The following C10orf143 variants were observed in gnomAD, a reference collection of about 807,000 sequenced individuals.
C10orf143 encodes chromosome 10 open reading frame 143, also known as uncharacterized protein C10orf143.
intron 1 of C10orf143, among the ~76,000 whole-genome samples, chr10:130,090,822 C>G (rs1410932972): frequency 2.6e-5 from 4 of 152,166 alleles, no homozygotes; most frequent in Non-Finnish European, 5.9e-5. Flanking sequence ...CTGGGTGGAG[C>G]CCACCACAGT....
At chr10:130,075,656 C>T (rs553011222) in intron 3 of C10orf143, among the ~76,000 whole-genome samples, 1 of 152,288 alleles carries the variant, frequency 6.6e-6, no homozygotes, top group African/African-American at 2.4e-5. Flanking sequence ...GAATTATACT[C>T]CACACATGTT....
intron 1 of C10orf143, among the ~76,000 whole-genome samples, chr10:130,084,124 T>C (rs1861251725): frequency 6.6e-6 from 1 of 151,806 alleles, no homozygotes. Context: ...GCCTGGCCAA[T>C]ATGGTAAAAC....
At chr10:130,045,562 AGCT>A (rs1311618507) in intron 3 of C10orf143, among the ~76,000 whole-genome samples, 2 of 152,242 alleles carry the variant, frequency 1.3e-5, no homozygotes, top group African/African-American at 4.8e-5. Context: ...CGCCCCTGGG[AGCT>A]GCCTCCAGAC....
At chr10:130,058,971 A>G (rs1028801126), downstream of C10orf143, among the ~76,000 whole-genome samples, 3 of 152,244 alleles carry the variant, frequency 2.0e-5, no homozygotes, top group African/African-American at 7.2e-5. Flanking sequence ...TGGCCAATGC[A>G]TGAGAAAGAT....
At chr10:130,075,891 CCTGTGGAA>C (rs1358504034) in intron 3 of C10orf143, among the ~76,000 whole-genome samples, 1 of 152,104 alleles carries the variant, frequency 6.6e-6, no homozygotes, top group Non-Finnish European at 1.5e-5. Context: ...TCCTGTACAG[CCTGTGGAA>C]CTGTGAGTCA....
At chr10:130,080,905 A>T (rs1861196788) in intron 1 of C10orf143, among the ~76,000 whole-genome samples, 1 of 152,242 alleles carries the variant, frequency 6.6e-6, no homozygotes, top group African/African-American at 2.4e-5. Context: ...ATTACTGTAT[A>T]GTTCATTATC....
intron 1 of C10orf143, chr10:130,107,874 A>C (rs1861685442): frequency 7.9e-7 from 1 of 1,272,650 alleles, no homozygotes; most frequent in East Asian, 2.3e-5. Context: ...CCACCAGCGC[A>C]ATCATATCTT....
At chr10:130,039,930 G>A (rs1046526969) in intron 3 of C10orf143, among the ~76,000 whole-genome samples, 1 of 152,182 alleles carries the variant, frequency 6.6e-6, no homozygotes, top group African/African-American at 2.4e-5. Flanking sequence ...CAATGTGCAG[G>A]GTTTGGGATA....
At chr10:130,051,357 C>G (rs1860736097) in intron 3 of C10orf143, among the ~76,000 whole-genome samples, 1 of 101,054 alleles carries the variant, frequency 9.9e-6, no homozygotes, top group Non-Finnish European at 2.0e-5. Flanking sequence ...CCGCCCCCAC[C>G]TAGTTAAGAG....
chr10:130,078,440 AACAGTT>A (rs1214281649), intron 3 of C10orf143, among the ~76,000 whole-genome samples: 2 of 152,244 alleles, frequency 1.3e-5, no homozygotes, highest in Non-Finnish European at 2.9e-5. Context: ...GGGTATGTTT[AACAGTT>A]ACATGAATCA....
chr10:130,089,979 C>A (rs1311568643), intron 1 of C10orf143, among the ~76,000 whole-genome samples: 2 of 152,088 alleles, frequency 1.3e-5, no homozygotes, highest in Non-Finnish European at 2.9e-5. Flanking sequence ...AAAAAAAATC[C>A]TTATGATCTT....
intron 1 of C10orf143, among the ~76,000 whole-genome samples, chr10:130,087,926 C>G (rs1023340470): frequency 3.9e-5 from 6 of 152,224 alleles, no homozygotes. Context: ...AGGCATGGTT[C>G]TCTGACCTCT....
At chr10:130,082,399 G>C (rs1861223988) in intron 1 of C10orf143, among the ~76,000 whole-genome samples, 1 of 152,128 alleles carries the variant, frequency 6.6e-6, no homozygotes. Flanking sequence ...CCATGACATG[G>C]TTTGGCTGTG....
intron 3 of C10orf143, among the ~76,000 whole-genome samples, chr10:130,053,897 T>C (rs1430525310): frequency 1.3e-5 from 2 of 152,184 alleles, no homozygotes; most frequent in Non-Finnish European, 2.9e-5. Flanking sequence ...CATGCCTGGA[T>C]GGGGAGATTC....
At chr10:130,110,611 G>C in intron 1 of C10orf143, 93 bp downstream of exon 1, 1 of 398,242 alleles carries the variant, frequency 2.5e-6, no homozygotes, top group Non-Finnish European at 4.4e-6. Flanking sequence ...CTCCTCACAG[G>C]CAGGGCCGCG....
At chr10:130,091,233 A>C (rs533947774) in intron 1 of C10orf143, among the ~76,000 whole-genome samples, 8 of 152,332 alleles carry the variant, frequency 5.3e-5, no homozygotes, top group African/African-American at 1.4e-4. Context: ...AACAGGCAGC[A>C]ATCTTTGGTG....
intron 1 of C10orf143, among the ~76,000 whole-genome samples, chr10:130,084,297 G>C (rs1176893134): frequency 1.3e-5 from 2 of 148,658 alleles, no homozygotes; most frequent in Admixed American, 6.9e-5. Flanking sequence ...CTGTGCAACA[G>C]AGCAAGACTC....
chr10:130,098,606 C>T (rs1315555154), intron 1 of C10orf143, among the ~76,000 whole-genome samples: 1 of 152,232 alleles, frequency 6.6e-6, no homozygotes, highest in Non-Finnish European at 1.5e-5. Context: ...TGAATACCTA[C>T]TATGTGCCCC....
chr10:130,039,024 T>C (rs1194056488), intron 3 of C10orf143, among the ~76,000 whole-genome samples: 1 of 152,162 alleles, frequency 6.6e-6, no homozygotes, highest in Non-Finnish European at 1.5e-5. Context: ...CTAAAAGTCC[T>C]GCATCCCAAG....
Sources: allele counts gnomAD v4.1 joint callset (sites outside exome capture counted in the v4.1 genomes callset), GRCh38; gene constraint gnomAD v4.1.1; transcripts MANE v1.5; gene names NCBI Gene and HGNC (gene_info 2026-07-23, HGNC 2026-07-21).